Variants in PCCB observed in about 807,000 individuals in gnomAD.
The protein encoded by PCCB is propionyl-CoA carboxylase beta chain, mitochondrial.
PCCB carries 43 observed loss-of-function variants against 60.7 expected under a neutral mutation model. The ratio of observed to expected loss-of-function variants is 0.71; its 90% CI spans 0.55 to 0.91. The LOEUF (loss-of-function observed/expected upper bound fraction) is 0.91, where lower values mean the gene tolerates loss of function less well. Among genes scored for constraint, PCCB ranks in the 40% least tolerant of loss-of-function variants. The probability of loss-of-function intolerance (pLI) is 0.00; values close to 1 mark genes in which losing one functional copy is unlikely to be tolerated. For missense variants in PCCB, 766 were observed against 702.8 expected (o/e 1.09, Z -1.02); for synonymous variants, 276 against 255.9 (o/e 1.08, Z -0.75).
chr3:136,315,513 C>T (rs766487465), intron 9 of PCCB, among the ~76,000 whole-genome samples: 7 of 151,818 alleles, frequency 4.6e-5, no homozygotes, highest in African/African-American at 9.7e-5. Context: ...GGCAGCTAAG[C>T]GAGACTCCGT....
intron 9 of PCCB, 37 bp from the exon 10 acceptor site, chr3:136,316,904 T>G: frequency 6.2e-7 from 1 of 1,611,934 alleles, no homozygotes; most frequent in Non-Finnish European, 8.5e-7. Flanking sequence ...TACTTGTCTT[T>G]ACCATTTTGA....
At chr3:136,295,725 A>T (rs894345109) in intron 7 of PCCB, among the ~76,000 whole-genome samples, 2 of 152,224 alleles carry the variant, frequency 1.3e-5, no homozygotes, top group Non-Finnish European at 1.5e-5. Context: ...TCCACAGATA[A>T]TCACTAGTGA....
intron 5 of PCCB, among the ~76,000 whole-genome samples, chr3:136,276,828 C>T (rs1942342503): frequency 6.6e-6 from 1 of 152,222 alleles, no homozygotes; most frequent in African/African-American, 2.4e-5. Context: ...TGTGTCTCTG[C>T]TGAAAGGAAC....
intron 1 of PCCB, among the ~76,000 whole-genome samples, chr3:136,252,742 G>A (rs1361559189): frequency 6.7e-6 from 1 of 148,672 alleles, no homozygotes; most frequent in African/African-American, 2.5e-5. Context: ...GGCTCAAGCA[G>A]TCCTCCCACC....
rs748003396 is a variant in PCCB, at chr3:136,250,380, C to T, written c.5C>T (p.Ala2Val). 183 of 1,526,734 alleles carry T rather than the reference C, an allele frequency of 1.2e-4. No homozygotes were observed. Among genetic ancestry groups the T allele is most frequent in the Non-Finnish European group, 1.6e-4 (176 of 1,132,974 alleles). 94.6% of individuals were successfully genotyped at this position (1,526,734 alleles called of 1,614,324 possible). A position where few individuals can be genotyped will look rare whatever the true frequency, so the allele number is the denominator to read the frequency against. Residue 2 changes from alanine (A) to valine (V), a missense_variant, in exon 1 of 15, where the codon GCG (alanine) becomes GTG (valine). Coordinates refer to ENST00000251654, the MANE Select transcript of PCCB (RefSeq NM_000532.5). Reference protein sequence around the residue: MAAALRVAAVGA... With the variant: MVAALRVAAVGA... The stretch of plus-strand genomic sequence containing the variant: ...GGACGCGCCGGCACAGCAAAAATGG[C>T]GGCGGCATTACGGGTGGCGGCGGTC...
chr3:136,320,896 G>C (rs1325747392), intron 10 of PCCB, among the ~76,000 whole-genome samples: 4 of 152,180 alleles, frequency 2.6e-5, no homozygotes, highest in South Asian at 4.1e-4. Context: ...TGGTTGTCTT[G>C]TTCCTCATGT....
chr3:136,315,304 G>A (rs1286899313), intron 9 of PCCB, among the ~76,000 whole-genome samples: 4 of 152,088 alleles, frequency 2.6e-5, no homozygotes, highest in African/African-American at 4.8e-5. Flanking sequence ...TTGGGAGGCC[G>A]AGGTGGGCGG....
chr3:136,329,606 C>T (rs548615109), intron 14 of PCCB, among the ~76,000 whole-genome samples: 1 of 152,110 alleles, frequency 6.6e-6, no homozygotes, highest in African/African-American at 2.4e-5. Flanking sequence ...GATGTATTTT[C>T]TTTATTTCCT....
intron 3 of PCCB, among the ~76,000 whole-genome samples, chr3:136,257,835 A>T (rs1941712646): frequency 6.6e-6 from 1 of 152,168 alleles, no homozygotes; most frequent in East Asian, 1.9e-4. Flanking sequence ...TGGGAGGCTG[A>T]GGCAGGAGAA....
chr3:136,257,735 G>A (rs1941710729), intron 3 of PCCB, among the ~76,000 whole-genome samples: 1 of 152,134 alleles, frequency 6.6e-6, no homozygotes, highest in South Asian at 2.1e-4. Context: ...TCAGGAGTTT[G>A]AGACCAGCTG....
At chr3:136,268,122 GTAT>G (rs1942083579) in intron 5 of PCCB, among the ~76,000 whole-genome samples, 1 of 74,862 alleles carries the variant, frequency 1.3e-5, no homozygotes. Context: ...ATATATATAT[GTAT>G]ATATATATAT....
intron 8 of PCCB, 62 bp downstream of exon 8, chr3:136,298,134 G>T: frequency 6.2e-7 from 1 of 1,607,634 alleles, no homozygotes; most frequent in South Asian, 1.1e-5. Context: ...TCTCTGCCCT[G>T]ACAGGACCCC....
intron 9 of PCCB, 66 bp downstream of exon 9, chr3:136,301,177 C>A: frequency 7.6e-7 from 1 of 1,316,612 alleles, no homozygotes; most frequent in Non-Finnish European, 1.1e-6. Context: ...TGTGCTTCGG[C>A]TTAGTGAGGA....
At chr3:136,310,645 C>A (rs1180938289) in intron 9 of PCCB, among the ~76,000 whole-genome samples, 1 of 152,150 alleles carries the variant, frequency 6.6e-6, no homozygotes, top group Admixed American at 6.5e-5. Context: ...ACACAAGAAC[C>A]TTCCAAAATT....
chr3:136,274,931 C>A (rs1942302049), intron 5 of PCCB, among the ~76,000 whole-genome samples: 1 of 151,958 alleles, frequency 6.6e-6, no homozygotes. Flanking sequence ...ACACCTCTGC[C>A]TCCTGAGTAT....
Position 136,328,786 on chromosome 3 carries a change from A to C in PCCB, c.1427A>C (p.His476Pro). The change falls in exon 14 of 15, where the codon CAT (histidine) becomes CCT (proline). Residue 476 changes from histidine to proline, a missense_variant. Coordinates refer to ENST00000251654, the MANE Select transcript of PCCB (RefSeq NM_000532.5). Reference sequence around the variant, plus strand: ...GCTGTGGAGATCATCTTCAAAGGGCATGAGAATGTGGAAGCTGCTCAGGCA... The same window carrying C: ...GCTGTGGAGATCATCTTCAAAGGGCCTGAGAATGTGGAAGCTGCTCAGGCA... ...KGAVEIIFKGHENVEAAQAEY... is the reference protein window; with the variant it reads ...KGAVEIIFKGPENVEAAQAEY... 6.2e-7 allele frequency: 1 copy of C among 1,614,144 alleles called. No homozygotes were observed. Among genetic ancestry groups the C allele is most frequent in the Middle Eastern group, 1.7e-4 (1 of 6,060 alleles).
chr3:136,250,383 C>A lies in PCCB; in HGVS notation c.8C>A (p.Ala3Glu). Residue 3 changes from alanine (A) to glutamate (E), a missense_variant, in exon 1 of 15, where the codon GCG becomes GAG. By Grantham distance (107) the Ala-to-Glu change is moderately radical. Coordinates refer to ENST00000251654, the MANE Select transcript of PCCB (RefSeq NM_000532.5). ...CGCGCCGGCACAGCAAAAATGGCGG[C>A]GGCATTACGGGTGGCGGCGGTCGGG... MAAALRVAAVGAR... is the reference protein window; with the variant it reads MAEALRVAAVGAR... The A allele has an allele frequency of 2.0e-6, 3 of 1,525,538 alleles. No homozygotes were observed. Among genetic ancestry groups the A allele is most frequent in the Admixed American group, 4.0e-5 (2 of 49,720 alleles). 94.5% of individuals were successfully genotyped at this position (1,525,538 alleles called of 1,614,324 possible). A position where few individuals can be genotyped will look rare whatever the true frequency, so the allele number is the denominator to read the frequency against.
At chr3:136,289,518 T>A (rs2108190544) in intron 6 of PCCB, among the ~76,000 whole-genome samples, 1 of 152,326 alleles carries the variant, frequency 6.6e-6, no homozygotes, top group South Asian at 2.1e-4. Flanking sequence ...TTTTAATCTT[T>A]ATGTCTATTT....
At position 136,255,907 on chromosome 3, in the gene PCCB, TTTG is replaced by T. The variant is rs773231461; in HGVS notation, c.239_241del (p.Val80del). The T allele has an allele frequency of 1.2e-6, 2 of 1,613,804 alleles. No homozygotes were observed. Among genetic ancestry groups the T allele is most frequent in the African/African-American group, 2.7e-5 (2 of 74,836 alleles). The stretch of plus-strand genomic sequence containing the variant: ...CAGTCTCTTGCTGGACCCTGGCAGC[TTTG>T]TTGAGAGCGACATGTTTGTGGAACA... On this transcript the variant is annotated inframe_deletion, in exon 2 of 15. Transcript: ENST00000251654.
Sources: gnomAD v4.1 joint callset for allele counts (sites outside exome capture counted in the v4.1 genomes callset) on GRCh38, gnomAD v4.1.1 for gene constraint, MANE v1.5 for transcripts, NCBI Gene and HGNC (gene_info 2026-07-23, HGNC 2026-07-21) for gene names.